TRIM41: variants seen among roughly 807,000 people sequenced by gnomAD.
The protein encoded by TRIM41 is E3 ubiquitin-protein ligase TRIM41.
TRIM41 carries 21 observed loss-of-function variants against 60.6 expected under a neutral mutation model. That is an observed-to-expected ratio of 0.35 (90% CI 0.25 to 0.50). The LOEUF (loss-of-function observed/expected upper bound fraction) is 0.50. Among genes scored for constraint, TRIM41 ranks in the 20% least tolerant of loss-of-function variants. TRIM41 has a pLI of 0.98. For missense variants in TRIM41, 846 were observed against 868.3 expected, an observed-to-expected ratio of 0.97 and a Z score of 0.32; for synonymous variants, 407 against 344.9, an observed-to-expected ratio of 1.18 and a Z score of -2.00.
chr5:181,232,493 T>G, intron 2 of TRIM41, 166 bp from the exon 3 acceptor site: 1 of 628,500 alleles, frequency 1.6e-6, no homozygotes, highest in Non-Finnish European at 2.7e-6. Context: ...AGCAAGGGGG[T>G]GGTATCTGGT....
rs141346805 is a variant in TRIM41 at position 181,234,488 on chromosome 5, C to T, written c.1606C>T (p.Arg536Trp). Residue 536 changes from arginine (R) to tryptophan (W), a missense_variant, in exon 6 of 6, where the codon CGG (arginine) becomes TGG (tryptophan). Physicochemically the swap from Arg to Trp is moderately radical, Grantham distance 101 (BLOSUM62 -3). Transcript: ENST00000315073. This position sits in a 1 kb window ranked among gnomAD's most constrained non-coding sequence, Gnocchi z 5.6. ...SSSRHHHRRR[R>W]LHLPQQPLLQ... ...CTCGCGCCATCACCATCGCCGCCGC[C>T]GGCTCCACCTGCCCCAGCAGCCCCT... 1.0e-4 allele frequency: 163 copies of T among 1,613,570 alleles called. No homozygotes were observed. The highest frequency in any genetic ancestry group is 2.2e-4 in the East Asian group (10 of 44,894).
At chr5:181,229,509 G>T (rs928291116) in intron 1 of TRIM41, 1 of 152,260 alleles carries the variant, frequency 6.6e-6, no homozygotes, top group Non-Finnish European at 1.5e-5. Flanking sequence ...TTAAAGAAAA[G>T]TATTTGGCTA....
At chr5:181,225,303 G>A (rs1344989346) in intron 1 of TRIM41, 3 of 184,178 alleles carry the variant, frequency 1.6e-5, no homozygotes, top group Admixed American at 1.6e-4. Context: ...TGTCTTCAAG[G>A]ACTTTGGTTG....
In TRIM41 at chr5:181,223,298, T is replaced by TG. The variant is rs1758364630; in HGVS notation, c.-698dup. On this transcript the variant is annotated 5_prime_UTR_variant, in exon 1 of 6. Transcript: ENST00000315073. ...ACCCCCTCGCTTCCGGCATCGGCTGTGGGGAGTACCGGCTGCAGTCGGCTG... is the reference window on the plus strand; with the variant it reads ...ACCCCCTCGCTTCCGGCATCGGCTGTGGGGGAGTACCGGCTGCAGTCGGCTG... The TG allele has an allele frequency of 7.5e-6, 3 of 398,866 alleles. No individual in the cohort carries two copies. The highest frequency in any genetic ancestry group is 2.5e-4 in the South Asian group (2 of 7,894). 24.7% of individuals were successfully genotyped at this position (398,866 alleles called of 1,614,324 possible).
At chr5:181,226,082 A>G (rs956767555) in intron 1 of TRIM41, 6 of 151,708 alleles carry the variant, frequency 4.0e-5, no homozygotes, top group African/African-American at 1.5e-4. Flanking sequence ...CACAAGTAAC[A>G]ATTTCTTTTA....
At chr5:181,226,505 G>C (rs763072385) in intron 1 of TRIM41, 6 of 152,202 alleles carry the variant, frequency 3.9e-5, no homozygotes, top group Non-Finnish European at 7.3e-5. Flanking sequence ...CAGTGAGTAG[G>C]AGAATATCTT....
chr5:181,234,481 C>T lies in TRIM41; in HGVS notation c.1599C>T (p.Arg533=), dbSNP rs1378231526. 7 of 1,613,394 alleles carry T rather than the reference C, an allele frequency of 4.3e-6. No individual in the cohort carries two copies. Among genetic ancestry groups the T allele is most frequent in the Non-Finnish European group, 5.9e-6 (7 of 1,179,688 alleles). The part of the protein sequence containing the change: ...GDASSSRHHH[R]RRRLHLPQQP... ...CCAGCTCCTCGCGCCATCACCATCG[C>T]CGCCGCCGGCTCCACCTGCCCCAGC... Residue 533 remains arginine (R), a synonymous_variant, in exon 6 of 6, where the codon CGC becomes CGT. Transcript: ENST00000315073. The surrounding 1 kb of genome is among the most constrained non-coding windows in gnomAD (Gnocchi z 5.6).
intron 2 of TRIM41, 40 bp from the exon 3 acceptor site, chr5:181,232,619 T>G (rs1478175573): frequency 6.3e-7 from 1 of 1,583,218 alleles, no homozygotes; most frequent in Non-Finnish European, 8.6e-7. Flanking sequence ...TCTTCGTACG[T>G]GTTGAGGTGG....
chr5:181,234,081 T>A lies in TRIM41; in HGVS notation c.1292-93T>A. On this transcript the variant is annotated intron_variant, in intron 5 of 5. Coordinates refer to ENST00000315073, the MANE Select transcript of TRIM41 (RefSeq NM_033549.5). The surrounding 1 kb of genome is among the most constrained non-coding windows in gnomAD (Gnocchi z 5.6). ...TCTGGGATGGTGTGGGGAGCTGGAT[T>A]CAGGGAGAAAGGGGGCCCAATCTGT... 6.3e-7 allele frequency: 1 copy of A among 1,590,126 alleles called. No homozygotes were observed.
At chr5:181,230,690 T>C in intron 1 of TRIM41, 54 bp from the exon 2 acceptor site, 1 of 1,471,668 alleles carries the variant, frequency 6.8e-7, no homozygotes, top group Non-Finnish European at 9.4e-7. Flanking sequence ...AGAGGTAGGC[T>C]CTGAAGGGCA....
chr5:181,230,686 A>G, intron 1 of TRIM41, 58 bp from the exon 2 acceptor site: 1 of 1,416,542 alleles, frequency 7.1e-7, no homozygotes, highest in East Asian at 2.3e-5. Flanking sequence ...TTGCAGAGGT[A>G]GGCTCTGAAG....
In TRIM41 at chr5:181,224,689, C is replaced by T. The variant is rs371324960; in HGVS notation, c.690C>T (p.His230=). The stretch of plus-strand genomic sequence containing the variant: ...CCGATCAGGGCATCTGTCCCAAACA[C>T]CAAGAAGCCCTGAAGCTCTTCTGCG... ...RVTDQGICPK[H]QEALKLFCEV... The change falls in exon 1 of 6, where the codon CAC becomes CAT. Residue 230 remains histidine, a synonymous_variant. Transcript: ENST00000315073. The T allele has an allele frequency of 8.7e-6, 14 of 1,614,220 alleles. No individual in the cohort carries two copies. In the African/African-American group the frequency reaches 1.5e-4, roughly 17 times the overall value.
rs1759089874 is a variant in TRIM41, at chr5:181,235,791, ATGTT to A, written c.*1018_*1021del. 9.6e-6 allele frequency: 2 copies of A among 207,854 alleles called. No individual in the cohort carries two copies. The highest frequency in any genetic ancestry group is 2.0e-5 in the Non-Finnish European group (2 of 99,454). 12.9% of individuals were successfully genotyped at this position (207,854 alleles called of 1,614,324 possible). A position where few individuals can be genotyped will look rare whatever the true frequency, so the allele number is the denominator to read the frequency against. On this transcript the variant is annotated 3_prime_UTR_variant, in exon 6 of 6. Coordinates refer to ENST00000315073, the MANE Select transcript of TRIM41 (RefSeq NM_033549.5). ...AGGGAAGGCGTGCTGTGGAAATAAAATGTTTATTTGCTTCTCTTGTGAGGTCTGT... is the reference window on the plus strand; with the variant it reads ...AGGGAAGGCGTGCTGTGGAAATAAAATATTTGCTTCTCTTGTGAGGTCTGT...
At position 181,224,614 on chromosome 5, in the gene TRIM41, C is replaced by T. The variant is rs367919363; in HGVS notation, c.615C>T (p.Val205=). Residue 205 remains valine (V), a synonymous_variant, in exon 1 of 6, where the codon GTC becomes GTT. Transcript: ENST00000315073. The part of the protein sequence containing the change: ...FRPNLQLANM[V]QVIRQMHPTP... ...CCAACCTGCAGCTGGCCAATATGGT[C>T]CAGGTGATTCGGCAGATGCACCCAA... 196 of 1,614,128 alleles carry T rather than the reference C, an allele frequency of 1.2e-4. No individual in the cohort carries two copies. Among genetic ancestry groups the T allele is most frequent in the East Asian group, 4.5e-5 (2 of 44,894 alleles).
intron 2 of TRIM41, 45 bp from the exon 3 acceptor site, chr5:181,232,614 G>T (rs772071153): frequency 1.3e-6 from 2 of 1,569,804 alleles, no homozygotes; most frequent in Admixed American, 3.8e-5. Flanking sequence ...GGTTATCTTC[G>T]TACGTGTTGA....
chr5:181,234,368 C>T lies in TRIM41; in HGVS notation c.1486C>T (p.Arg496Trp), dbSNP rs772942525. ...CTGGGAGGTAGAGGTGGGCGGGCGG[C>T]GGGGCTGGGCGGTGGGTGCTGCCCG... ...HYWEVEVGGR[R>W]GWAVGAARES... The change falls in exon 6 of 6, where the codon CGG becomes TGG. Residue 496 changes from arginine to tryptophan, a missense_variant. Arg to Trp is a moderately radical substitution (Grantham distance 101). Transcript: ENST00000315073. The surrounding 1 kb of genome is among the most constrained non-coding windows in gnomAD (Gnocchi z 5.6). 30 of 1,552,388 alleles carry T rather than the reference C, an allele frequency of 1.9e-5. No homozygotes were observed. The highest frequency in any genetic ancestry group is 1.4e-4 in the Admixed American group (7 of 51,796).
Position 181,233,141 on chromosome 5 carries a change from T to C in TRIM41, c.1140+252T>C. ...GTTTAAATGACAGTTGAGGAAAGTC[T>C]TTTTGACAGTGACATCCTGAAAAAG... On this transcript the variant is annotated intron_variant, in intron 3 of 5. Coordinates refer to ENST00000315073, the MANE Select transcript of TRIM41 (RefSeq NM_033549.5). This position sits in a 1 kb window ranked among gnomAD's most constrained non-coding sequence, Gnocchi z 4.1. The C allele has an allele frequency of 1.4e-6, 1 of 713,290 alleles. No individual in the cohort carries two copies. The highest frequency in any genetic ancestry group is 2.5e-6 in the Non-Finnish European group (1 of 394,304). 44.2% of individuals were successfully genotyped at this position (713,290 alleles called of 1,614,324 possible). A position where few individuals can be genotyped will look rare whatever the true frequency, so the allele number is the denominator to read the frequency against.
chr5:181,224,912 C>G, intron 1 of TRIM41, 100 bp downstream of exon 1: 1 of 1,526,988 alleles, frequency 6.5e-7, no homozygotes, highest in Non-Finnish European at 9.0e-7. Context: ...ACCAAAGAAC[C>G]TCATGGTATT....
Position 181,224,240 on chromosome 5 carries a change from G to C in TRIM41, c.241G>C (p.Gly81Arg), listed in dbSNP as rs537383827. ...AGTGGAGGCTGTGGGGGCTGGCGCG[G>C]GGTGGGACACCCCCATGCGGGATGA... ...EEVEAVGAGA[G>R]WDTPMRDEDY... Residue 81 changes from glycine to arginine, a missense_variant, in exon 1 of 6, where the codon GGG (glycine) becomes CGG (arginine). Coordinates refer to ENST00000315073, the MANE Select transcript of TRIM41 (RefSeq NM_033549.5). 3.2e-5 allele frequency: 51 copies of C among 1,613,808 alleles called. No individual in the cohort carries two copies. Among genetic ancestry groups the C allele is most frequent in the Middle Eastern group, 1.7e-4 (1 of 6,056 alleles).
Sources: allele counts gnomAD v4.1 joint callset, GRCh38; gene constraint gnomAD v4.1.1; non-coding constraint Gnocchi (gnomAD v3.1); transcripts MANE v1.5; gene names NCBI Gene and HGNC (gene_info 2026-07-23, HGNC 2026-07-21).